The following CSMD1 variants were observed in gnomAD, a reference collection of about 807,000 sequenced individuals.
CSMD1 encodes CUB and Sushi multiple domains 1, also known as CUB and sushi domain-containing protein 1.
In CSMD1, 213 loss-of-function variants were observed where a neutral mutation model predicts 417.5. That is an observed-to-expected ratio of 0.51 (90% CI 0.46 to 0.57). The LOEUF (loss-of-function observed/expected upper bound fraction) is 0.57, where lower values mean the gene tolerates loss of function less well. Ranked by LOEUF, CSMD1 falls within the 20% of genes least tolerant of loss-of-function variation. The pLI, the probability that CSMD1 is intolerant of heterozygous loss-of-function variation, is 0.00. For missense variants in CSMD1, 6,923 were observed against 4,529.7 expected, an observed-to-expected ratio of 1.53 and a Z score of -15.17; for synonymous variants, 2,862 against 1,736.8, an observed-to-expected ratio of 1.65 and a Z score of -16.11.
intron 1 of CSMD1, among the ~76,000 whole-genome samples, chr8:4,805,183 T>C (rs895705133): frequency 6.6e-5 from 10 of 152,222 alleles, no homozygotes; most frequent in South Asian, 2.1e-4. Context: ...CTCGTTTGTA[T>C]AGAGAGATAA....
intron 10 of CSMD1, among the ~76,000 whole-genome samples, chr8:3,543,047 G>C (rs932219078): frequency 3.3e-5 from 5 of 152,154 alleles, no homozygotes; most frequent in African/African-American, 1.2e-4. Context: ...GTTCTGTCTC[G>C]CTGGGCTCAG....
chr8:3,145,432 G>C (rs1314185309), intron 40 of CSMD1, among the ~76,000 whole-genome samples: 1 of 152,160 alleles, frequency 6.6e-6, no homozygotes, highest in Non-Finnish European at 1.5e-5. Context: ...AAGGGGATCA[G>C]GGTGCAAAGA....
At chr8:2,959,346 GCC>G (rs1803272151) in intron 62 of CSMD1, among the ~76,000 whole-genome samples, 1 of 152,142 alleles carries the variant, frequency 6.6e-6, no homozygotes, top group African/African-American at 2.4e-5. Flanking sequence ...CGATTCTTCT[GCC>G]TGGGCCTCCC....
At chr8:4,366,063 A>C (rs1382560471) in intron 3 of CSMD1, among the ~76,000 whole-genome samples, 1 of 152,120 alleles carries the variant, frequency 6.6e-6, no homozygotes, top group East Asian at 1.9e-4. Flanking sequence ...ATAGCCTTCC[A>C]ATCCATGAGC....
Position 2,955,765 on chromosome 8 carries a change from T to G in CSMD1, c.9818A>C (p.His3273Pro). The G allele has an allele frequency of 6.2e-7, 1 of 1,613,432 alleles. No individual in the cohort carries two copies. Among genetic ancestry groups the G allele is most frequent in the Non-Finnish European group, 8.5e-7 (1 of 1,179,586 alleles). Residue 3273 changes from histidine (H) to proline (P), a missense_variant, in exon 64 of 70, where the codon CAT (histidine) becomes CCT (proline). Coordinates refer to ENST00000635120, the MANE Select transcript of CSMD1 (RefSeq NM_033225.6). ...WSGIQTECIP[H>P]ACRQPETPAH... ...CGGGGTTTCTGGCTGTCTGCAGGCA[T>G]GAGCTGAAACAACATTAGGAAACAT...
At chr8:4,949,876 G>C (rs531127637) in intron 1 of CSMD1, among the ~76,000 whole-genome samples, 5 of 152,034 alleles carry the variant, frequency 3.3e-5, no homozygotes, top group South Asian at 2.1e-4. Flanking sequence ...AAAAGTAATT[G>C]CCTGGCAAAA....
At position 4,838,933 on chromosome 8, in the gene CSMD1, G is replaced by T. The variant is rs28718076; in HGVS notation, c.85+155399C>A. On this transcript the variant is annotated intron_variant, in intron 1 of 69. Transcript: ENST00000635120. The stretch of plus-strand genomic sequence containing the variant: ...GGTTACATAAACTTATTTTATGAAA[G>T]ACAAATTTGACAAATTCAGCAATTC... Among the ~76,000 whole-genome samples, 443 of 152,298 alleles carry T rather than the reference G, an allele frequency of 2.9e-3. 3 individuals are homozygous for T. Among genetic ancestry groups the T allele is most frequent in the African/African-American group, 8.4e-3 (350 of 41,558 alleles).
intron 3 of CSMD1, among the ~76,000 whole-genome samples, chr8:4,315,882 A>G (rs532335080): frequency 1.1e-4 from 16 of 152,308 alleles, no homozygotes; most frequent in African/African-American, 3.4e-4. Flanking sequence ...AAAATTTTAA[A>G]AACAGGTTTT....
chr8:4,023,536 G>C (rs537602015), intron 4 of CSMD1, among the ~76,000 whole-genome samples: 3 of 151,600 alleles, frequency 2.0e-5, no homozygotes, highest in African/African-American at 4.8e-5. Flanking sequence ...TCTGTGCTGA[G>C]CAATATTCAC....
At chr8:4,985,931 T>C (rs1020812107) in intron 1 of CSMD1, among the ~76,000 whole-genome samples, 3 of 152,190 alleles carry the variant, frequency 2.0e-5, no homozygotes, top group African/African-American at 4.8e-5. Flanking sequence ...GCAGAAATTG[T>C]CTGATGAATT....
chr8:4,829,512 C>T lies in CSMD1; in HGVS notation c.85+164820G>A, dbSNP rs539197005. Reference sequence around the variant, plus strand: ...ATCTCAGCACTTTACCAGGCTGAGGCAGGAGGATCTCTTGAGCCCAGGAGT... The same window carrying T: ...ATCTCAGCACTTTACCAGGCTGAGGTAGGAGGATCTCTTGAGCCCAGGAGT... On this transcript the variant is annotated intron_variant, in intron 1 of 69. Coordinates refer to ENST00000635120, the MANE Select transcript of CSMD1 (RefSeq NM_033225.6). Among the ~76,000 whole-genome samples, 25 of 152,138 alleles carry T rather than the reference C, an allele frequency of 1.6e-4. No homozygotes were observed. In the South Asian group the frequency reaches 4.8e-3, roughly 29 times the overall value.
intron 5 of CSMD1, among the ~76,000 whole-genome samples, chr8:3,787,342 A>G (rs1685381113): frequency 3.3e-5 from 5 of 152,174 alleles, no homozygotes; most frequent in Admixed American, 2.0e-4. Flanking sequence ...AAAACAGTTC[A>G]ATGTTGATGC....
At chr8:3,313,133 G>C (rs940458667) in intron 23 of CSMD1, among the ~76,000 whole-genome samples, 1 of 152,182 alleles carries the variant, frequency 6.6e-6, no homozygotes, top group African/African-American at 2.4e-5. Context: ...ATGGATTAAA[G>C]ACTTAAATGT....
chr8:3,663,207 C>T lies in CSMD1; in HGVS notation c.1009+45207G>A, dbSNP rs117707830. Reference sequence around the variant, plus strand: ...TCCAGCACAGAGAAAGCGTGAACAACAAAGATATTTTTAAACAAAGAGTTG... The same window carrying T: ...TCCAGCACAGAGAAAGCGTGAACAATAAAGATATTTTTAAACAAAGAGTTG... On this transcript the variant is annotated intron_variant, in intron 7 of 69. Transcript: ENST00000635120. 1.4e-3 allele frequency among the ~76,000 whole-genome samples: 208 copies of T among 152,142 alleles called. 3 individuals carry two copies. The East Asian group carries it at 0.039, about 29-fold the overall frequency.
intron 1 of CSMD1, among the ~76,000 whole-genome samples, chr8:4,884,311 C>A (rs899103919): frequency 6.6e-6 from 1 of 151,894 alleles, no homozygotes; most frequent in Non-Finnish European, 1.5e-5. Context: ...CAATTTATCT[C>A]CCATTCTGTG....
intron 2 of CSMD1, among the ~76,000 whole-genome samples, chr8:4,549,895 T>TAAAAAAAAAA (rs1563277700): frequency 7.6e-5 from 5 of 65,838 alleles, no homozygotes; most frequent in Admixed American, 1.8e-4. Flanking sequence ...AGACTTTGTC[T>TAAAAAAAAAA]CAAAAAAAAA....
chr8:4,050,554 TACAA>T (rs537884090), intron 3 of CSMD1, among the ~76,000 whole-genome samples: 111 of 152,262 alleles, frequency 7.3e-4, no homozygotes, highest in African/African-American at 2.6e-3. Flanking sequence ...TTCTTCATGT[TACAA>T]ACAATCTAAT....
intron 3 of CSMD1, among the ~76,000 whole-genome samples, chr8:4,252,025 G>C (rs895640142): frequency 1.3e-5 from 2 of 152,066 alleles, no homozygotes; most frequent in Non-Finnish European, 2.9e-5. Context: ...TTTTTGAGTT[G>C]TGTTTACTTG....
intron 2 of CSMD1, among the ~76,000 whole-genome samples, chr8:4,488,726 C>T (rs1461855397): frequency 6.6e-6 from 1 of 151,982 alleles, no homozygotes; most frequent in Non-Finnish European, 1.5e-5. Context: ...CTGTCAGCAT[C>T]CCCAGCACCA....
Sources: allele counts gnomAD v4.1 joint callset (sites outside exome capture counted in the v4.1 genomes callset), GRCh38; gene constraint gnomAD v4.1.1; transcripts MANE v1.5; gene names NCBI Gene and HGNC (gene_info 2026-07-23, HGNC 2026-07-21).